HOPX: variants seen among roughly 807,000 people sequenced by gnomAD.
The protein encoded by HOPX is homeodomain-only protein.
Under a neutral mutation model 11.8 loss-of-function variants are expected in HOPX, and 5 were observed. That is an observed-to-expected ratio of 0.43 (90% CI 0.22 to 0.89). The LOEUF is 0.89. Among genes scored for constraint, HOPX ranks in the 40% least tolerant of loss-of-function variants. The pLI is 0.28. For missense variants in HOPX, 119 were observed against 120.0 expected, an observed-to-expected ratio of 0.99 and a Z score of 0.04; for synonymous variants, 49 against 49.7, an observed-to-expected ratio of 0.99 and a Z score of 0.06.
intron 3 of HOPX, chr4:56,650,400 C>A: frequency 2.9e-6 from 1 of 343,444 alleles, no homozygotes; most frequent in Non-Finnish European, 5.4e-6. Flanking sequence ...GATGCCTATA[C>A]AGATACTCAG....
chr4:56,678,438 ATTTTTTTTT>A (rs57921708), intron 1 of HOPX, among the ~76,000 whole-genome samples: 2 of 100,258 alleles, frequency 2.0e-5, no homozygotes, highest in African/African-American at 4.3e-5. Context: ...CTAGTCACTG[ATTTTTTTTT>A]TTTTTTTTTT....
chr4:56,656,153 G>A (rs1717699123), intron 2 of HOPX, 141 bp from the exon 3 acceptor site: 5 of 1,155,846 alleles, frequency 4.3e-6, no homozygotes, highest in East Asian at 3.5e-5. Flanking sequence ...GCAAGTCCCC[G>A]GTGGCTGCAC....
chr4:56,656,145 A>C, intron 2 of HOPX, 133 bp from the exon 3 acceptor site: 3 of 1,181,128 alleles, frequency 2.5e-6, no homozygotes, highest in Non-Finnish European at 3.2e-6. Context: ...ACGGCCGCGC[A>C]AGTCCCCGGT....
chr4:56,655,889 C>T lies in HOPX; in HGVS notation c.166G>A (p.Ala56Thr). The stretch of plus-strand genomic sequence containing the variant: ...TCCTCCTCGGAAAGGCCTGCCTCGG[C>T]CGCGATGAGGCACAGCGTGGTGGAA... The part of the protein sequence containing the change: ...PDSTTLCLIA[A>T]EAGLSEEETQ... The change falls in exon 3 of 4, where the codon GCC (alanine) becomes ACC (threonine). Residue 56 changes from alanine to threonine, a missense_variant. Physicochemically the swap from Ala to Thr is moderately conservative, Grantham distance 58. Transcript: ENST00000420433. 6.2e-7 allele frequency: 1 copy of T among 1,611,826 alleles called. No individual in the cohort carries two copies. Among genetic ancestry groups the T allele is most frequent in the Non-Finnish European group, 8.5e-7 (1 of 1,179,082 alleles).
intron 1 of HOPX, among the ~76,000 whole-genome samples, chr4:56,661,046 G>T (rs746108103): frequency 2.6e-5 from 4 of 152,120 alleles, no homozygotes; most frequent in Admixed American, 6.6e-5. Context: ...TCCTGGGCTC[G>T]AGTGATCCTT....
chr4:56,664,901 G>A (rs541586368), intron 1 of HOPX: 6 of 152,160 alleles, frequency 3.9e-5, no homozygotes, highest in Non-Finnish European at 8.8e-5. Flanking sequence ...TTATGAATTG[G>A]TGAGTCACTT....
intron 3 of HOPX, among the ~76,000 whole-genome samples, chr4:56,651,867 A>AGTGTGTGTGTTT (rs1357851813): frequency 6.8e-4 from 87 of 128,434 alleles, no homozygotes; most frequent in African/African-American, 2.6e-3. Flanking sequence ...AAAGAGAGAG[A>AGTGTGTGTGTTT]GAGAGAGTGT....
At chr4:56,662,326 T>C (rs1718179374) in intron 1 of HOPX, 1 of 152,176 alleles carries the variant, frequency 6.6e-6, no homozygotes, top group African/African-American at 2.4e-5. Context: ...TATTTTGAGG[T>C]TTTTTAAAAA....
chr4:56,663,441 A>G (rs1251443759), intron 1 of HOPX: 1 of 152,188 alleles, frequency 6.6e-6, no homozygotes, highest in Non-Finnish European at 1.5e-5. Flanking sequence ...TCTTAAAAAT[A>G]CGAAGTGCTG....
chr4:56,672,960 C>T (rs1055161733), intron 1 of HOPX, among the ~76,000 whole-genome samples: 10 of 152,178 alleles, frequency 6.6e-5, no homozygotes, highest in African/African-American at 2.4e-4. Flanking sequence ...GTTTGAAATA[C>T]TAACTGGTTA....
chr4:56,671,106 C>T (rs546427984), intron 1 of HOPX, among the ~76,000 whole-genome samples: 7 of 152,218 alleles, frequency 4.6e-5, no homozygotes, highest in Admixed American at 3.9e-4. Context: ...AAAATGTTCT[C>T]ATTCCTAATG....
intron 1 of HOPX, chr4:56,679,082 A>G (rs1719178963): frequency 1.3e-5 from 2 of 151,818 alleles, no homozygotes; most frequent in African/African-American, 4.8e-5. Context: ...ACATAGCAAA[A>G]CCCCATCTCT....
In HOPX at chr4:56,654,843, T is replaced by C. The variant is rs950643021; in HGVS notation, c.198+1014A>G. 2.6e-5 allele frequency among the ~76,000 whole-genome samples: 4 copies of C among 152,166 alleles called. No homozygotes were observed. The East Asian group carries it at 7.7e-4, about 29-fold the overall frequency. ...GGTATATAAAATAGGAAAAATAATGTCTCTGCTTTAGAGTTGAGGTTAGAA... is the reference window on the plus strand; with the variant it reads ...GGTATATAAAATAGGAAAAATAATGCCTCTGCTTTAGAGTTGAGGTTAGAA... On this transcript the variant is annotated intron_variant, in intron 3 of 3. Coordinates refer to ENST00000420433, the MANE Select transcript of HOPX (RefSeq NM_032495.6).
chr4:56,673,708 T>A (rs1718858185), intron 1 of HOPX, among the ~76,000 whole-genome samples: 1 of 152,130 alleles, frequency 6.6e-6, no homozygotes, highest in African/African-American at 2.4e-5. Flanking sequence ...TCCTTATAGA[T>A]CTGATTTGAG....
chr4:56,674,904 T>C (rs1457607553), intron 1 of HOPX, among the ~76,000 whole-genome samples: 2 of 122,728 alleles, frequency 1.6e-5, no homozygotes, highest in Non-Finnish European at 3.2e-5. Context: ...TGTGCCACTA[T>C]GTCTGGCTAA....
intron 3 of HOPX, among the ~76,000 whole-genome samples, chr4:56,652,437 G>A (rs542926858): frequency 6.6e-6 from 1 of 152,096 alleles, no homozygotes; most frequent in Non-Finnish European, 1.5e-5. Flanking sequence ...GTGGGATGAG[G>A]ACTCAGGCAC....
Position 56,656,032 on chromosome 4 carries a change from G to C in HOPX, c.43-20C>G, listed in dbSNP as rs747812799. 5.8e-6 allele frequency: 9 copies of C among 1,550,208 alleles called. No individual in the cohort carries two copies. The highest frequency in any genetic ancestry group is 7.8e-6 in the Non-Finnish European group (9 of 1,147,910). ...TGCGCGCTGCGGGGCAGGGAGAAGC[G>C]GCGGCGGTGAGCGAGGCGTGGAGCG... On this transcript the variant is annotated intron_variant, in intron 2 of 3. Coordinates refer to ENST00000420433, the MANE Select transcript of HOPX (RefSeq NM_032495.6).
intron 2 of HOPX, chr4:56,656,283 A>G (rs986781072): frequency 8.6e-7 from 1 of 1,156,208 alleles, no homozygotes; most frequent in Non-Finnish European, 1.1e-6. Flanking sequence ...GACCCCTTGC[A>G]GGAACTGTAT....
At chr4:56,670,202 C>T (rs1199609325) in intron 1 of HOPX, among the ~76,000 whole-genome samples, 3 of 152,092 alleles carry the variant, frequency 2.0e-5, no homozygotes, top group African/African-American at 7.2e-5. Context: ...AACGGCTTGT[C>T]CTAGAGATTT....
Sources: allele counts gnomAD v4.1 joint callset (sites outside exome capture counted in the v4.1 genomes callset), GRCh38; gene constraint gnomAD v4.1.1; transcripts MANE v1.5; gene names NCBI Gene and HGNC (gene_info 2026-07-23, HGNC 2026-07-21).